The following RTN4 variants were observed in gnomAD, a reference collection of about 807,000 sequenced individuals.
RTN4 encodes reticulon 4.
Under a neutral mutation model 90.4 loss-of-function variants are expected in RTN4, and 32 were observed. The ratio of observed to expected loss-of-function variants is 0.35; its 90% CI spans 0.27 to 0.48. The LOEUF is 0.48. Ranked by LOEUF, RTN4 falls within the 20% of genes least tolerant of loss-of-function variation. RTN4 has a pLI of 0.99. For synonymous variants in RTN4, 629 were observed against 552.5 expected (o/e 1.14, Z -1.94); for missense variants, 1,706 against 1,430.2 (o/e 1.19, Z -3.11).
rs1455265509 is a variant in RTN4, at chr2:54,972,671, A to G, written c.*485T>C. ...GTAAAAGTCACAATACACCTAGAAC[A>G]TACCAGAAAAGCAAGCTTTGTCATT... is the stretch of plus-strand genomic sequence containing the variant. On this transcript the variant is annotated 3_prime_UTR_variant, in exon 9 of 9. Transcript: ENST00000337526. 1 of 153,344 alleles carries G rather than the reference A, an allele frequency of 6.5e-6. No homozygotes were observed. The highest frequency in any genetic ancestry group is 2.4e-5 in the African/African-American group (1 of 41,474). The allele number at this position is 153,344 out of a possible 1,614,324, so 9.5% of individuals were successfully genotyped here.
intron 3 of RTN4, among the ~76,000 whole-genome samples, chr2:55,005,105 A>G (rs1035570268): frequency 2.6e-5 from 4 of 152,212 alleles, no homozygotes; most frequent in African/African-American, 7.2e-5. Flanking sequence ...AGACGAAATT[A>G]TAAAGGTTGG....
chr2:55,049,452 T>G, intron 1 of RTN4: 1 of 460,752 alleles, frequency 2.2e-6, no homozygotes, highest in Non-Finnish European at 4.1e-6. Flanking sequence ...TACGGGTGGG[T>G]GCCTAACTTC....
intron 2 of RTN4, among the ~76,000 whole-genome samples, chr2:55,057,232 C>G (rs1433241853): frequency 6.6e-6 from 1 of 152,116 alleles, no homozygotes; most frequent in Non-Finnish European, 1.5e-5. Context: ...GCAAGAAAGC[C>G]AAATAGGGAA....
In RTN4 at chr2:55,050,351, G is replaced by T; in HGVS notation, c.-51C>A. On this transcript the variant is annotated 5_prime_UTR_variant, in exon 1 of 9. Coordinates refer to ENST00000337526, the MANE Select transcript of RTN4 (RefSeq NM_020532.5). This position sits in a 1 kb window ranked among gnomAD's most constrained non-coding sequence, Gnocchi z 4.6. The stretch of plus-strand genomic sequence containing the variant: ...AGCTGCTGCCGCCGCCGCCGGGGCC[G>T]CGTCTCAGAGCCGCGGGCGGTTGTG... 2.4e-6 allele frequency: 3 copies of T among 1,238,680 alleles called. No homozygotes were observed. The highest frequency in any genetic ancestry group is 1.9e-5 in the South Asian group (1 of 51,316). The allele number at this position is 1,238,680 out of a possible 1,614,324, so 76.7% of individuals were successfully genotyped here. A position where few individuals can be genotyped will look rare whatever the true frequency, so the allele number is the denominator to read the frequency against.
intron 1 of RTN4, among the ~76,000 whole-genome samples, chr2:55,086,393 G>T (rs1425900038): frequency 2.0e-5 from 3 of 152,052 alleles, no homozygotes; most frequent in Non-Finnish European, 4.4e-5. Flanking sequence ...GGGTGCAGTG[G>T]CTCGCACCTG....
chr2:55,072,690 C>T (rs1317228355), intron 2 of RTN4, among the ~76,000 whole-genome samples: 1 of 152,182 alleles, frequency 6.6e-6, no homozygotes. Flanking sequence ...AACTGTACCA[C>T]TTAGCACTTG....
In RTN4 at chr2:55,108,479, C is replaced by T. The variant is rs987845749; in HGVS notation, c.-214+4041G>A. 1.6e-4 allele frequency among the ~76,000 whole-genome samples: 24 copies of T among 152,080 alleles called. No homozygotes were observed. In the East Asian group the frequency reaches 4.6e-3, roughly 29 times the overall value. ...TCAGGGTGAATGATAATATTGAGAA[C>T]TGAGGGTTTAGTAGGTTCAGAATCC... is the stretch of plus-strand genomic sequence containing the variant. On this transcript the variant is annotated intron_variant, in intron 1 of 3. Coordinates refer to the RTN4 transcript ENST00000427710.
At chr2:54,990,721 T>A (rs560165980) in intron 3 of RTN4, among the ~76,000 whole-genome samples, 345 of 152,260 alleles carry the variant, frequency 2.3e-3, no homozygotes, top group Non-Finnish European at 4.2e-3. Context: ...TTTACTATTA[T>A]AGGGTAAGTA....
intron 1 of RTN4, among the ~76,000 whole-genome samples, chr2:55,085,997 G>A (rs757118613): frequency 7.2e-5 from 11 of 152,280 alleles, no homozygotes; most frequent in South Asian, 2.1e-4. Context: ...AGATTGTAGC[G>A]TCAATAGGTG....
the RTN4 span, among the ~76,000 whole-genome samples, chr2:55,135,289 C>T: frequency 1.3e-5 from 2 of 150,362 alleles, no homozygotes; most frequent in African/African-American, 4.9e-5. Flanking sequence ...CTCACGGCAA[C>T]CTCCGCCTCC....
intron 1 of RTN4, among the ~76,000 whole-genome samples, chr2:55,081,209 G>A (rs1304891208): frequency 6.6e-6 from 1 of 152,146 alleles, no homozygotes; most frequent in Non-Finnish European, 1.5e-5. Context: ...AAGTAGCTGG[G>A]ACCACAGGTG....
intron 1 of RTN4, among the ~76,000 whole-genome samples, chr2:55,036,022 T>A (rs937998373): frequency 3.3e-5 from 5 of 152,006 alleles, no homozygotes; most frequent in Non-Finnish European, 7.4e-5. Flanking sequence ...AAAACTAATA[T>A]AAAACATCTA....
intron 1 of RTN4, among the ~76,000 whole-genome samples, chr2:55,039,624 A>G (rs561638300): frequency 2.6e-5 from 4 of 152,256 alleles, no homozygotes; most frequent in Admixed American, 2.0e-4. Flanking sequence ...TACTAAAAAT[A>G]CAAAAATTAG....
At chr2:55,115,167 T>C (rs1668102276), upstream of RTN4, among the ~76,000 whole-genome samples, 1 of 152,252 alleles carries the variant, frequency 6.6e-6, no homozygotes, top group Non-Finnish European at 1.5e-5. Flanking sequence ...ACATTTATTA[T>C]CTTATCAGCT....
chr2:55,045,470 G>A (rs1180306117), intron 1 of RTN4, among the ~76,000 whole-genome samples: 1 of 152,098 alleles, frequency 6.6e-6, no homozygotes, highest in Admixed American at 6.6e-5. Flanking sequence ...CAGAACTACT[G>A]TAATAGCTTT....
chr2:55,038,600 G>C (rs1324411216), intron 1 of RTN4, among the ~76,000 whole-genome samples: 1 of 152,136 alleles, frequency 6.6e-6, no homozygotes, highest in Non-Finnish European at 1.5e-5. Context: ...AAAATGGTTA[G>C]AATTTAAAAA....
intron 5 of RTN4, among the ~76,000 whole-genome samples, chr2:54,979,052 A>T (rs1258972949): frequency 4.2e-5 from 6 of 144,526 alleles, no homozygotes; most frequent in Admixed American, 1.4e-4. Context: ...GATTTTAATA[A>T]TTTTTTTTTT....
intron 1 of RTN4, among the ~76,000 whole-genome samples, chr2:55,106,750 C>A (rs749319584): frequency 6.6e-6 from 1 of 152,020 alleles, no homozygotes; most frequent in African/African-American, 2.4e-5. Flanking sequence ...GAACACCTGA[C>A]CCCAGGTGAT....
chr2:55,137,747 T>C, the RTN4 span, among the ~76,000 whole-genome samples: 1 of 152,250 alleles, frequency 6.6e-6, no homozygotes, highest in East Asian at 1.9e-4. Flanking sequence ...ACCTCTCAGC[T>C]GTAGCCTGAA....
Sources: allele counts gnomAD v4.1 joint callset (sites outside exome capture counted in the v4.1 genomes callset), GRCh38; gene constraint gnomAD v4.1.1; non-coding constraint Gnocchi (gnomAD v3.1); transcripts MANE v1.5; gene names NCBI Gene and HGNC (gene_info 2026-07-23, HGNC 2026-07-21).